The following PTK2 variants were observed in gnomAD, a reference collection of about 807,000 sequenced individuals.
PTK2 encodes the protein focal adhesion kinase 1.
A neutral mutation model predicts 150.1 loss-of-function variants in PTK2; 45 were observed. The ratio of observed to expected loss-of-function variants is 0.30; its 90% CI spans 0.24 to 0.38. PTK2 has a LOEUF of 0.38. Ranked by LOEUF, PTK2 falls within the 10% of genes least tolerant of loss-of-function variation. The probability of loss-of-function intolerance (pLI) is 1.00; values close to 1 mark genes in which losing one functional copy is unlikely to be tolerated. For missense variants in PTK2, 919 were observed against 1,307.3 expected, an observed-to-expected ratio of 0.70 and a Z score of 4.58; for synonymous variants, 432 against 449.2, an observed-to-expected ratio of 0.96 and a Z score of 0.48.
At chr8:140,975,199 A>C (rs1034559266) in intron 1 of PTK2, among the ~76,000 whole-genome samples, 2 of 152,198 alleles carry the variant, frequency 1.3e-5, no homozygotes, top group African/African-American at 4.8e-5. Context: ...TTCCTTAATG[A>C]CAAAGGTTGG....
chr8:140,791,366 T>C (rs1474109949), intron 13 of PTK2, among the ~76,000 whole-genome samples: 1 of 152,160 alleles, frequency 6.6e-6, no homozygotes, highest in Non-Finnish European at 1.5e-5. Context: ...AAATTATCCC[T>C]TAACTTCCCA....
At chr8:140,734,575 T>C (rs536629464) in intron 22 of PTK2, 36 of 369,526 alleles carry the variant, frequency 9.7e-5, no homozygotes, top group African/African-American at 7.4e-4. Flanking sequence ...CTCTGAGGGA[T>C]TCAGCACACT....
At chr8:140,713,643 T>C (rs772512426) in intron 23 of PTK2, among the ~76,000 whole-genome samples, 15 of 152,214 alleles carry the variant, frequency 9.9e-5, no homozygotes, top group Non-Finnish European at 1.6e-4. Context: ...ACTTTTATCC[T>C]GAGGCACTCT....
At chr8:140,784,152 G>C (rs1027774446) in intron 14 of PTK2, among the ~76,000 whole-genome samples, 2 of 152,056 alleles carry the variant, frequency 1.3e-5, no homozygotes, top group African/African-American at 4.8e-5. Context: ...GTGACAAAGT[G>C]GGGGGAAAAA....
intron 7 of PTK2, among the ~76,000 whole-genome samples, chr8:140,834,710 TATAAG>T (rs1016614606): frequency 2.6e-5 from 4 of 152,324 alleles, no homozygotes; most frequent in African/African-American, 7.2e-5. Context: ...TGAAAGGTAC[TATAAG>T]ATAAGAGTTT....
At position 140,742,939 on chromosome 8, in the gene PTK2, G is replaced by C. The variant is rs190348974; in HGVS notation, c.1735+291C>G. 2.4e-3 allele frequency among the ~76,000 whole-genome samples: 368 copies of C among 152,262 alleles called. 3 individuals are homozygous for C. The highest frequency in any genetic ancestry group is 8.6e-3 in the African/African-American group (358 of 41,546). The stretch of plus-strand genomic sequence containing the variant: ...TCTAAGGATCCCTGGCCTAGCCCTA[G>C]ATGCTAAATATTTACTCGTGTTTTT... On this transcript the variant is annotated intron_variant, in intron 20 of 31. Transcript: ENST00000522684.
At chr8:140,699,063 G>A (rs950294002) in intron 26 of PTK2, among the ~76,000 whole-genome samples, 3 of 151,112 alleles carry the variant, frequency 2.0e-5, no homozygotes, top group South Asian at 2.1e-4. Flanking sequence ...GTGATCCACC[G>A]TGCCAGGCCA....
intron 1 of PTK2, among the ~76,000 whole-genome samples, chr8:140,942,032 G>A (rs947413693): frequency 4.0e-5 from 6 of 151,776 alleles, no homozygotes; most frequent in Non-Finnish European, 4.4e-5. Flanking sequence ...TGGGACCACA[G>A]GCATGTGCCA....
intron 21 of PTK2, 140 bp from the exon 25 acceptor site, chr8:140,735,595 T>A: frequency 1.5e-6 from 1 of 676,066 alleles, no homozygotes. Context: ...CAGCATTATA[T>A]TAACTCTAGT....
At chr8:140,884,085 T>C (rs2100150849) in intron 3 of PTK2, among the ~76,000 whole-genome samples, 3 of 152,150 alleles carry the variant, frequency 2.0e-5, no homozygotes, top group Admixed American at 2.0e-4. Context: ...AGTGAAGGAC[T>C]CATGATCTCC....
At chr8:140,809,506 T>C (rs1355245274) in intron 10 of PTK2, among the ~76,000 whole-genome samples, 3 of 152,160 alleles carry the variant, frequency 2.0e-5, no homozygotes, top group Non-Finnish European at 4.4e-5. Context: ...AAAATGTGGA[T>C]AGATCGATTA....
rs868196132 is a variant in PTK2 at position 140,686,815 on chromosome 8, T to A, written c.2500-121A>T. 3 of 851,646 alleles carry A rather than the reference T, an allele frequency of 3.5e-6. No homozygotes were observed. In the Admixed American group the frequency reaches 8.0e-5, roughly 23 times the overall value. 52.8% of individuals were successfully genotyped at this position (851,646 alleles called of 1,614,324 possible). A position where few individuals can be genotyped will look rare whatever the true frequency, so the allele number is the denominator to read the frequency against. The stretch of plus-strand genomic sequence containing the variant: ...TCCTCTGAATAAGAAGAGTTGAAAG[T>A]TCCCCCGTTTCAAAAAAATTCCAGT... On this transcript the variant is annotated intron_variant, in intron 26 of 31. Transcript: ENST00000522684.
intron 26 of PTK2, among the ~76,000 whole-genome samples, chr8:140,695,204 G>A (rs377149410): frequency 6.4e-4 from 98 of 152,140 alleles, no homozygotes; most frequent in Admixed American, 2.2e-3. Context: ...TTCCTGTCCC[G>A]GATTCTTCCT....
chr8:140,846,455 C>T (rs1271745582), intron 6 of PTK2, 133 bp from the exon 7 acceptor site: 1 of 1,161,046 alleles, frequency 8.6e-7, no homozygotes, highest in African/African-American at 1.6e-5. Flanking sequence ...ACTTTTGCAC[C>T]AAACCAATAG....
At chr8:140,900,139 G>A (rs774461710) in intron 2 of PTK2, among the ~76,000 whole-genome samples, 9 of 152,084 alleles carry the variant, frequency 5.9e-5, no homozygotes, top group Non-Finnish European at 8.8e-5. Flanking sequence ...CACCCGAATC[G>A]ACAAGGAAGA....
chr8:140,883,878 T>C (rs950820655), intron 3 of PTK2, among the ~76,000 whole-genome samples: 3 of 152,276 alleles, frequency 2.0e-5, no homozygotes, highest in Non-Finnish European at 4.4e-5. Flanking sequence ...ATCACAAGTA[T>C]GAAATGGGTC....
At chr8:140,905,722 A>G (rs1460719142) in intron 2 of PTK2, among the ~76,000 whole-genome samples, 2 of 152,220 alleles carry the variant, frequency 1.3e-5, no homozygotes, top group African/African-American at 4.8e-5. Flanking sequence ...CAGAATATAC[A>G]TTCTTCTCAG....
intron 14 of PTK2, chr8:140,771,298 G>A (rs2100075340): frequency 6.6e-6 from 1 of 152,186 alleles, no homozygotes; most frequent in Non-Finnish European, 1.5e-5. Flanking sequence ...AAAAACTGGC[G>A]ATGAGGATCT....
intron 23 of PTK2, among the ~76,000 whole-genome samples, chr8:140,711,214 C>G (rs991951081): frequency 1.3e-5 from 2 of 152,234 alleles, no homozygotes; most frequent in African/African-American, 4.8e-5. Flanking sequence ...TTAAGCGATT[C>G]TCGTGCCTCA....
Sources: gnomAD v4.1 joint callset for allele counts (sites outside exome capture counted in the v4.1 genomes callset) on GRCh38, gnomAD v4.1.1 for gene constraint, MANE v1.5 for transcripts, NCBI Gene and HGNC (gene_info 2026-07-23, HGNC 2026-07-21) for gene names.